SGCG: variants seen among roughly 807,000 people sequenced by gnomAD.
SGCG encodes the protein gamma-sarcoglycan.
A neutral mutation model predicts 29.3 loss-of-function variants in SGCG; 26 were observed. The observed-to-expected ratio is 0.89, with a 90% CI of 0.65 to 1.23. The LOEUF (loss-of-function observed/expected upper bound fraction) is 1.23. Ranked by LOEUF, SGCG falls within the 50% of genes most tolerant of loss-of-function variation. SGCG has a pLI of 0.00. For synonymous variants in SGCG, 145 were observed against 129.7 expected, an observed-to-expected ratio of 1.12 and a Z score of -0.80; for missense variants, 353 against 356.0, an observed-to-expected ratio of 0.99 and a Z score of 0.07.
chr13:23,215,242 C>G (rs1440532374), intron 2 of SGCG, among the ~76,000 whole-genome samples: 1 of 152,114 alleles, frequency 6.6e-6, no homozygotes, highest in Non-Finnish European at 1.5e-5. Context: ...TTAATGGGCT[C>G]CAGATGCAGA....
Position 23,289,662 on chromosome 13 carries a change from A to G in SGCG, c.506-5753A>G, listed in dbSNP as rs191000272. 2.9e-3 allele frequency among the ~76,000 whole-genome samples: 445 copies of G among 152,124 alleles called. 2 individuals carry two copies. Among genetic ancestry groups the G allele is most frequent in the Non-Finnish European group, 4.6e-3 (314 of 68,012 alleles). On this transcript the variant is annotated intron_variant, in intron 5 of 7. Transcript: ENST00000218867. The stretch of plus-strand genomic sequence containing the variant: ...TGACATTCATTGTGATAAGTTCTCT[A>G]TTTGTCTTATCTGTGCCATATTATT...
chr13:23,255,714 A>C lies in SGCG; in HGVS notation c.385+4997A>C, dbSNP rs556338499. On this transcript the variant is annotated intron_variant, in intron 4 of 7. Coordinates refer to ENST00000218867, the MANE Select transcript of SGCG (RefSeq NM_000231.3). Reference sequence around the variant, plus strand: ...TTCACAAAAGACCTGGTTGTTTAAGAGTCGGGGTTTTAAGGGTTTTTTTCC... The same window carrying C: ...TTCACAAAAGACCTGGTTGTTTAAGCGTCGGGGTTTTAAGGGTTTTTTTCC... 7.1e-4 allele frequency among the ~76,000 whole-genome samples: 108 copies of C among 152,274 alleles called. 3 individuals carry two copies. The highest frequency in any genetic ancestry group is 7.1e-3 in the Admixed American group (108 of 15,292).
intron 1 of SGCG, among the ~76,000 whole-genome samples, chr13:23,182,822 A>G (rs914627131): frequency 1.3e-5 from 2 of 152,162 alleles, no homozygotes; most frequent in Admixed American, 6.5e-5. Flanking sequence ...TTTGTGCTTC[A>G]TCCTAAGCAC....
chr13:23,160,735 C>T, the SGCG span, among the ~76,000 whole-genome samples: 9 of 152,138 alleles, frequency 5.9e-5, no homozygotes, highest in Non-Finnish European at 1.3e-4. Context: ...CTAAACTAAC[C>T]CCTCTGTTGT....
chr13:23,215,660 G>A (rs543514966), intron 2 of SGCG, among the ~76,000 whole-genome samples: 1 of 152,128 alleles, frequency 6.6e-6, no homozygotes, highest in East Asian at 1.9e-4. Context: ...AAAAGTACCT[G>A]CTACCCTGTT....
intron 4 of SGCG, among the ~76,000 whole-genome samples, chr13:23,266,271 CA>C (rs56910680): frequency 0.26 from 33,345 of 125,936 alleles, 3,834 homozygotes; most frequent in Admixed American, 0.33. Flanking sequence ...GACTCTGTCT[CA>C]AAAAAAAAAA....
intron 4 of SGCG, among the ~76,000 whole-genome samples, chr13:23,261,547 A>T (rs1189749763): frequency 2.0e-5 from 3 of 152,110 alleles, no homozygotes; most frequent in Non-Finnish European, 4.4e-5. Flanking sequence ...AGGTGTCCTG[A>T]GAGAAAAGAA....
intron 4 of SGCG, among the ~76,000 whole-genome samples, chr13:23,276,094 C>T (rs2137611523): frequency 6.6e-6 from 1 of 152,112 alleles, no homozygotes; most frequent in African/African-American, 2.4e-5. Flanking sequence ...CTTTTCTTAT[C>T]AACAAGGTAG....
chr13:23,242,954 T>C (rs921024527), intron 3 of SGCG, among the ~76,000 whole-genome samples: 2 of 152,162 alleles, frequency 1.3e-5, no homozygotes, highest in Admixed American at 6.5e-5. Context: ...ATAAAGTCTC[T>C]GGACTTCACA....
chr13:23,214,175 C>G (rs940426522), intron 2 of SGCG, among the ~76,000 whole-genome samples: 2 of 152,156 alleles, frequency 1.3e-5, no homozygotes, highest in South Asian at 2.1e-4. Context: ...CCTGACCCCA[C>G]GTTCATCATG....
intron 1 of SGCG, among the ~76,000 whole-genome samples, chr13:23,181,991 T>A (rs760598162): frequency 1.3e-5 from 2 of 152,152 alleles, no homozygotes; most frequent in Non-Finnish European, 2.9e-5. Flanking sequence ...GGGTTCGTTT[T>A]ATAGGTTCTA....
At chr13:23,222,982 A>G (rs893943009) in intron 2 of SGCG, among the ~76,000 whole-genome samples, 3 of 152,150 alleles carry the variant, frequency 2.0e-5, no homozygotes, top group Non-Finnish European at 1.5e-5. Context: ...GGGGCCCAGA[A>G]TAAGAGTACA....
intron 6 of SGCG, among the ~76,000 whole-genome samples, chr13:23,318,163 A>T (rs1164620788): frequency 1.3e-5 from 2 of 151,416 alleles, no homozygotes; most frequent in Non-Finnish European, 2.9e-5. Context: ...GTAAGTTAAT[A>T]CTTAATAAAC....
chr13:23,262,989 G>A (rs558974638), intron 4 of SGCG, among the ~76,000 whole-genome samples: 2 of 151,926 alleles, frequency 1.3e-5, no homozygotes, highest in African/African-American at 4.8e-5. Context: ...AGAACCTCTG[G>A]GATATAGCAA....
At chr13:23,312,921 A>G (rs955648514) in intron 6 of SGCG, among the ~76,000 whole-genome samples, 1 of 152,150 alleles carries the variant, frequency 6.6e-6, no homozygotes, top group Non-Finnish European at 1.5e-5. Context: ...TGCTGAGTAC[A>G]TGTATTAGAT....
At chr13:23,181,936 C>CA (rs1300573086) in intron 1 of SGCG, among the ~76,000 whole-genome samples, 6 of 152,260 alleles carry the variant, frequency 3.9e-5, no homozygotes, top group African/African-American at 1.4e-4. Flanking sequence ...TTTGTAGGTA[C>CA]AAAAAGGCAC....
intron 1 of SGCG, among the ~76,000 whole-genome samples, chr13:23,191,236 T>C (rs1227693121): frequency 6.6e-6 from 1 of 152,120 alleles, no homozygotes; most frequent in African/African-American, 2.4e-5. Flanking sequence ...ATCTGCCACT[T>C]TGTTTGGAAG....
chr13:23,273,061 G>A (rs1352274810), intron 4 of SGCG, among the ~76,000 whole-genome samples: 30 of 151,910 alleles, frequency 2.0e-4, no homozygotes, highest in Non-Finnish European at 2.9e-5. Flanking sequence ...TGATTTATTA[G>A]ATCTCTTTTA....
chr13:23,173,404 G>A, the SGCG span, among the ~76,000 whole-genome samples: 5 of 152,158 alleles, frequency 3.3e-5, no homozygotes. Flanking sequence ...GTCCAGGAAT[G>A]TTACTATAAT....
Sources: gnomAD v4.1 joint callset for allele counts (sites outside exome capture counted in the v4.1 genomes callset) on GRCh38, gnomAD v4.1.1 for gene constraint, MANE v1.5 for transcripts, NCBI Gene and HGNC (gene_info 2026-07-23, HGNC 2026-07-21) for gene names.